The following CLDN1 variants were observed in gnomAD, a reference collection of about 807,000 sequenced individuals.
CLDN1 encodes the protein claudin-1.
Under a neutral mutation model 22.6 loss-of-function variants are expected in CLDN1, and 12 were observed. The observed-to-expected ratio is 0.53, with a 90% CI of 0.34 to 0.86. The LOEUF (loss-of-function observed/expected upper bound fraction) is 0.86, where lower values mean the gene tolerates loss of function less well. Among genes scored for constraint, CLDN1 ranks in the 40% least tolerant of loss-of-function variants. CLDN1 has a pLI of 0.02. For synonymous variants in CLDN1, 99 were observed against 103.8 expected (o/e 0.95, Z 0.28); for missense variants, 250 against 269.5 (o/e 0.93, Z 0.51).
At chr3:190,310,275 GAC>G in intron 2 of CLDN1, 22 bp from the exon 3 acceptor site, 1 of 1,583,964 alleles carries the variant, frequency 6.3e-7, no homozygotes, top group Non-Finnish European at 8.7e-7. Flanking sequence ...CAAAACAAAA[GAC>G]TGTTAATCAC....
chr3:190,313,596 G>C (rs58469097), intron 1 of CLDN1, among the ~76,000 whole-genome samples: 3 of 152,176 alleles, frequency 2.0e-5, no homozygotes, highest in African/African-American at 7.2e-5. Context: ...CCAGTGATGT[G>C]AATAGGAGGA....
In CLDN1 at chr3:190,307,279, A is replaced by C. The variant is rs1716480179; in HGVS notation, c.*998T>G. The C allele has an allele frequency of 6.6e-6, 1 of 152,240 alleles. No homozygotes were observed. Among genetic ancestry groups the C allele is most frequent in the Non-Finnish European group, 1.5e-5 (1 of 68,038 alleles). The allele number at this position is 152,240 out of a possible 1,614,324, so 9.4% of individuals were successfully genotyped here. On this transcript the variant is annotated 3_prime_UTR_variant, in exon 4 of 4. Transcript: ENST00000295522. Reference sequence around the variant, plus strand: ...ACCTTATTAGGAAGATATAAAACGCATGATAATTACACTTGGGAAAACAAT... The same window carrying C: ...ACCTTATTAGGAAGATATAAAACGCCTGATAATTACACTTGGGAAAACAAT...
chr3:190,318,477 C>T (rs1716828520), intron 1 of CLDN1, among the ~76,000 whole-genome samples: 1 of 152,170 alleles, frequency 6.6e-6, no homozygotes, highest in Admixed American at 6.5e-5. Flanking sequence ...TAGCTTGCAT[C>T]TGTTGAATGG....
intron 1 of CLDN1, among the ~76,000 whole-genome samples, chr3:190,321,066 T>C (rs1303457419): frequency 6.6e-6 from 1 of 152,156 alleles, no homozygotes; most frequent in Non-Finnish European, 1.5e-5. Context: ...TCACTGAACA[T>C]CCATTACACA....
rs1716936831 is a variant in CLDN1 at position 190,322,009 on chromosome 3, G to C, written c.198C>G (p.Val66=). The C allele has an allele frequency of 6.2e-7, 1 of 1,614,082 alleles. No homozygotes were observed. The highest frequency in any genetic ancestry group is 8.5e-7 in the Non-Finnish European group (1 of 1,180,038). ...TGCTCAGATTCAGCAAGGAGTCAAA[G>C]ACTTTGCACTGGATCTGCCCGGTGC... The part of the protein sequence containing the change: ...SQSTGQIQCK[V]FDSLLNLSST... Residue 66 remains valine (V), a synonymous_variant, in exon 1 of 4, where the codon GTC becomes GTG. Transcript: ENST00000295522.
rs772915484 is a variant in CLDN1, at chr3:190,308,286, G to A, written c.627C>T (p.Asp209=). ...YPKPAPSSGK[D]YV is the part of the protein sequence containing the mutation. ...TCCTTTTGCCTCTGTGTCACACGTA[G>A]TCTTTCCCGCTGGAAGGTGCAGGTT... Residue 209 remains aspartate (D), a synonymous_variant, in exon 4 of 4, where the codon GAC becomes GAT. Coordinates refer to ENST00000295522, the MANE Select transcript of CLDN1 (RefSeq NM_021101.5). The A allele has an allele frequency of 4.3e-6, 7 of 1,613,694 alleles. No homozygotes were observed. In the African/African-American group the frequency reaches 9.3e-5, roughly 22 times the overall value.
chr3:190,308,464 G>C, intron 3 of CLDN1, 25 bp from the exon 4 acceptor site: 1 of 1,611,168 alleles, frequency 6.2e-7, no homozygotes, highest in Non-Finnish European at 8.5e-7. Context: ...CCATGTGCTT[G>C]TTAATCAGTG....
intron 1 of CLDN1, among the ~76,000 whole-genome samples, chr3:190,319,952 A>C (rs990828410): frequency 1.3e-5 from 2 of 152,172 alleles, no homozygotes; most frequent in African/African-American, 4.8e-5. Flanking sequence ...CCCTCTTCTG[A>C]GAATGGGTTT....
At chr3:190,311,022 A>G (rs2108607511) in intron 2 of CLDN1, among the ~76,000 whole-genome samples, 1 of 152,306 alleles carries the variant, frequency 6.6e-6, no homozygotes, top group African/African-American at 2.4e-5. Flanking sequence ...ATCAATATAG[A>G]TAGATTAGAT....
intron 1 of CLDN1, among the ~76,000 whole-genome samples, chr3:190,321,096 T>C (rs1716905836): frequency 6.6e-6 from 1 of 152,192 alleles, no homozygotes; most frequent in African/African-American, 2.4e-5. Flanking sequence ...TTGTGGAAGA[T>C]GGAAACCTAA....
At chr3:190,313,952 TAGA>T (rs1039944212) in intron 1 of CLDN1, among the ~76,000 whole-genome samples, 2 of 152,190 alleles carry the variant, frequency 1.3e-5, no homozygotes, top group African/African-American at 2.4e-5. Flanking sequence ...CTATGCTGGT[TAGA>T]AGATTTTGTT....
intron 2 of CLDN1, 55 bp from the exon 3 acceptor site, chr3:190,310,308 T>C (rs1716578132): frequency 1.5e-6 from 2 of 1,377,362 alleles, no homozygotes; most frequent in Admixed American, 3.4e-5. Context: ...TGAGCCTAAA[T>C]ACACAACCTG....
intron 2 of CLDN1, among the ~76,000 whole-genome samples, chr3:190,311,668 G>A (rs938187055): frequency 2.0e-5 from 3 of 150,114 alleles, no homozygotes; most frequent in Non-Finnish European, 4.4e-5. Flanking sequence ...CTAATATAGA[G>A]AACATATAGT....
chr3:190,311,276 G>GCACTTCATA (rs1035202430), intron 2 of CLDN1, among the ~76,000 whole-genome samples: 1 of 152,284 alleles, frequency 6.6e-6, no homozygotes, highest in East Asian at 1.9e-4. Flanking sequence ...CGTCTTCCAA[G>GCACTTCATA]CACTTCATAC....
At chr3:190,319,713 C>CT (rs1055154089) in intron 1 of CLDN1, among the ~76,000 whole-genome samples, 6 of 152,182 alleles carry the variant, frequency 3.9e-5, no homozygotes, top group Non-Finnish European at 5.9e-5. Flanking sequence ...TGAAATGCAG[C>CT]TTTTTTCTGA....
intron 2 of CLDN1, among the ~76,000 whole-genome samples, chr3:190,311,241 A>G (rs1716609113): frequency 6.6e-6 from 1 of 152,234 alleles, no homozygotes; most frequent in African/African-American, 2.4e-5. Context: ...AAGCGAAGGA[A>G]GAATGCAATG....
intron 1 of CLDN1, among the ~76,000 whole-genome samples, chr3:190,318,634 T>G (rs1292638660): frequency 6.6e-6 from 1 of 152,230 alleles, no homozygotes; most frequent in African/African-American, 2.4e-5. Flanking sequence ...ACAGAGAATT[T>G]CTGATCTCAA....
Position 190,308,391 on chromosome 3 carries a change from G to C in CLDN1, c.522C>G (p.Leu174=). 6.2e-7 allele frequency: 1 copy of C among 1,613,792 alleles called. No homozygotes were observed. Among genetic ancestry groups the C allele is most frequent in the East Asian group, 2.2e-5 (1 of 44,874 alleles). The part of the protein sequence containing the change: ...ALFTGWAAAS[L]CLLGGALLCC... ...AAAGTAGGGCACCTCCCAGAAGGCA[G>C]AGAGAAGCAGCAGCCCAGCCAGTGA... The change falls in exon 4 of 4, where the codon CTC becomes CTG. Residue 174 remains leucine, a synonymous_variant. Transcript: ENST00000295522.
rs761773517 is a variant in CLDN1 at position 190,312,801 on chromosome 3, C to G, written c.388+71G>C. ...GAGACTGAAATCAAGTATAATGAAT[C>G]CAACGTAATAGATTTCAAATCATAC... is the stretch of plus-strand genomic sequence containing the variant. On this transcript the variant is annotated intron_variant, in intron 2 of 3. Transcript: ENST00000295522. The G allele has an allele frequency of 4.5e-6, 7 of 1,541,836 alleles. No individual in the cohort carries two copies. The East Asian group carries it at 1.6e-4, about 35-fold the overall frequency.
Sources: allele counts gnomAD v4.1 joint callset (sites outside exome capture counted in the v4.1 genomes callset), GRCh38; gene constraint gnomAD v4.1.1; transcripts MANE v1.5; gene names NCBI Gene and HGNC (gene_info 2026-07-23, HGNC 2026-07-21).